NRXN3: variants seen among roughly 807,000 people sequenced by gnomAD.
NRXN3 encodes neurexin III.
A neutral mutation model predicts 137.6 loss-of-function variants in NRXN3; 32 were observed. That is an observed-to-expected ratio of 0.23 (90% CI 0.18 to 0.31). The LOEUF is 0.31. Ranked by LOEUF, NRXN3 falls within the 10% of genes least tolerant of loss-of-function variation. The probability of loss-of-function intolerance (pLI) is 1.00; values close to 1 mark genes in which losing one functional copy is unlikely to be tolerated. For synonymous variants in NRXN3, 798 were observed against 784.5 expected (o/e 1.02, Z -0.29); for missense variants, 1,574 against 2,062.5 (o/e 0.76, Z 4.59).
intron 20 of NRXN3, among the ~76,000 whole-genome samples, chr14:79,850,812 T>A (rs1276968976): frequency 1.3e-5 from 2 of 152,182 alleles, no homozygotes; most frequent in Non-Finnish European, 2.9e-5. Flanking sequence ...TCATTTTGTA[T>A]CTTAGAGACC....
At position 78,322,428 on chromosome 14, in the gene NRXN3, A is replaced by G. The variant is rs187153127; in HGVS notation, c.757+24568A>G. 3.6e-4 allele frequency among the ~76,000 whole-genome samples: 54 copies of G among 152,020 alleles called. 1 individual carries two copies. The highest frequency in any genetic ancestry group is 3.2e-3 in the Admixed American group (49 of 15,284). On this transcript the variant is annotated intron_variant, in intron 4 of 20. Transcript: ENST00000335750. ...TGCGCTCTGGAGTCCAAGACCTCCAATAGTAGTATTGTGTAATGTTGTAGC... is the reference window on the plus strand; with the variant it reads ...TGCGCTCTGGAGTCCAAGACCTCCAGTAGTAGTATTGTGTAATGTTGTAGC...
At chr14:79,425,652 T>C (rs1044608431) in intron 15 of NRXN3, among the ~76,000 whole-genome samples, 2 of 152,206 alleles carry the variant, frequency 1.3e-5, no homozygotes, top group Non-Finnish European at 2.9e-5. Context: ...TCCCAGCTAA[T>C]AAACAGATGA....
chr14:79,597,806 A>C (rs2097875361), intron 16 of NRXN3, among the ~76,000 whole-genome samples: 1 of 152,170 alleles, frequency 6.6e-6, no homozygotes, highest in South Asian at 2.1e-4. Flanking sequence ...GGATCTGTGA[A>C]AAAAAGGAAA....
intron 14 of NRXN3, among the ~76,000 whole-genome samples, chr14:78,978,855 G>A (rs116976182): frequency 0.048 from 7,278 of 151,152 alleles, 241 homozygotes; most frequent in Middle Eastern, 0.086. Flanking sequence ...TCCACAGTCC[G>A]CTGTCTGTAT....
intron 15 of NRXN3, among the ~76,000 whole-genome samples, chr14:79,202,502 C>T (rs1258536227): frequency 1.3e-5 from 2 of 151,874 alleles, no homozygotes; most frequent in Non-Finnish European, 2.9e-5. Context: ...TACACTGTAC[C>T]ATATTTGTAG....
chr14:79,783,293 A>G (rs2099119522), intron 19 of NRXN3, among the ~76,000 whole-genome samples: 1 of 152,182 alleles, frequency 6.6e-6, no homozygotes, highest in Admixed American at 6.5e-5. Context: ...CAGCTAACTG[A>G]TCATTAACTA....
intron 15 of NRXN3, among the ~76,000 whole-genome samples, chr14:79,451,793 G>A (rs964575000): frequency 2.6e-5 from 4 of 152,210 alleles, no homozygotes; most frequent in African/African-American, 9.7e-5. Flanking sequence ...GTTTAAGAGA[G>A]ATTAAAAGGA....
chr14:78,988,296 T>C (rs2099511300), intron 15 of NRXN3, 155 bp downstream of exon 15: 3 of 874,868 alleles, frequency 3.4e-6, no homozygotes, highest in Middle Eastern at 3.3e-4. Context: ...AGTGCTCTTA[T>C]GAGAAGAGTG....
intron 20 of NRXN3, among the ~76,000 whole-genome samples, chr14:79,808,795 ATAAT>A (rs2099220793): frequency 6.6e-6 from 1 of 152,172 alleles, no homozygotes; most frequent in South Asian, 2.1e-4. Context: ...TTTAAATGAA[ATAAT>A]TTATTTTTTC....
intron 16 of NRXN3, among the ~76,000 whole-genome samples, chr14:79,539,195 A>ATTT (rs138981401): frequency 1.3e-5 from 2 of 149,688 alleles, no homozygotes; most frequent in South Asian, 2.1e-4. Context: ...CACCTGGCTA[A>ATTT]TTTTTTTTTT....
At chr14:78,461,015 G>A (rs56923572) in intron 4 of NRXN3, among the ~76,000 whole-genome samples, 3,290 of 152,240 alleles carry the variant, frequency 0.022, 114 homozygotes, top group African/African-American at 0.072. Context: ...TTAACTGAGA[G>A]ACATATATTC....
chr14:79,530,956 A>G (rs1255099398), intron 16 of NRXN3, among the ~76,000 whole-genome samples: 1 of 152,218 alleles, frequency 6.6e-6, no homozygotes, highest in East Asian at 1.9e-4. Context: ...TCACGGAAAC[A>G]TGAAGAAATG....
chr14:79,229,868 G>C (rs1037255915), intron 15 of NRXN3, among the ~76,000 whole-genome samples: 4 of 152,064 alleles, frequency 2.6e-5, no homozygotes, highest in Admixed American at 6.6e-5. Context: ...CCTAATGGCA[G>C]GGGTAACTAT....
intron 10 of NRXN3, among the ~76,000 whole-genome samples, chr14:78,823,972 G>A (rs1273531953): frequency 6.6e-6 from 1 of 152,074 alleles, no homozygotes; most frequent in Non-Finnish European, 1.5e-5. Context: ...CAGAGATGGT[G>A]GTTGGTTTTT....
intron 4 of NRXN3, among the ~76,000 whole-genome samples, chr14:78,491,315 G>A (rs2095205762): frequency 6.6e-6 from 1 of 151,998 alleles, no homozygotes; most frequent in African/African-American, 2.4e-5. Flanking sequence ...TGAGATTCTG[G>A]TCAAGTCCTT....
At chr14:78,178,067 A>C (rs1358942942) in intron 1 of NRXN3, 1 of 152,286 alleles carries the variant, frequency 6.6e-6, no homozygotes, top group Admixed American at 6.5e-5. Flanking sequence ...TCTGTCTTAC[A>C]AATGAAGTAA....
intron 8 of NRXN3, among the ~76,000 whole-genome samples, chr14:78,760,034 CTTTTTTTT>C (rs61320632): frequency 1.4e-4 from 12 of 86,716 alleles, no homozygotes; most frequent in East Asian, 7.0e-4. Context: ...AGCCTGCAGT[CTTTTTTTT>C]TTTTTTTTTT....
intron 15 of NRXN3, among the ~76,000 whole-genome samples, chr14:79,237,235 CAT>C (rs916193408): frequency 6.6e-6 from 1 of 152,188 alleles, no homozygotes; most frequent in East Asian, 1.9e-4. Context: ...GAGGCAGACA[CAT>C]GTTTTTAAAA....
chr14:79,277,095 G>A (rs1342350905), intron 15 of NRXN3, among the ~76,000 whole-genome samples: 2 of 152,158 alleles, frequency 1.3e-5, no homozygotes, highest in African/African-American at 2.4e-5. Context: ...GCCTTCCAGG[G>A]GTGGTGGTCA....
Sources: allele counts gnomAD v4.1 joint callset (sites outside exome capture counted in the v4.1 genomes callset), GRCh38; gene constraint gnomAD v4.1.1; transcripts MANE v1.5; gene names NCBI Gene and HGNC (gene_info 2026-07-23, HGNC 2026-07-21).